BRSK2: variants seen among roughly 807,000 people sequenced by gnomAD.
BRSK2 encodes the protein serine/threonine-protein kinase BRSK2.
A neutral mutation model predicts 83.3 loss-of-function variants in BRSK2; 19 were observed. The ratio of observed to expected loss-of-function variants is 0.23; its 90% CI spans 0.16 to 0.33. BRSK2 has a LOEUF of 0.33. Among genes scored for constraint, BRSK2 ranks in the 10% least tolerant of loss-of-function variants. BRSK2 has a pLI of 1.00. For synonymous variants in BRSK2, 519 were observed against 435.4 expected, an observed-to-expected ratio of 1.19 and a Z score of -2.39; for missense variants, 798 against 1,042.3, an observed-to-expected ratio of 0.77 and a Z score of 3.23.
At chr11:1,439,419 C>CG (rs1850838386) in intron 3 of BRSK2, among the ~76,000 whole-genome samples, 2 of 151,128 alleles carry the variant, frequency 1.3e-5, no homozygotes. Flanking sequence ...ACTGGGGGGG[C>CG]GGGGGTGGTC....
At chr11:1,416,922 AGGTCAAGGAGGGC>A (rs1205320322) in intron 1 of BRSK2, among the ~76,000 whole-genome samples, 1 of 152,090 alleles carries the variant, frequency 6.6e-6, no homozygotes, top group Non-Finnish European at 1.5e-5. Flanking sequence ...ACACTTTGGG[AGGTCAAGGAGGGC>A]GGATCACGAG....
At chr11:1,413,599 A>G (rs1429992473) in intron 1 of BRSK2, among the ~76,000 whole-genome samples, 1 of 152,246 alleles carries the variant, frequency 6.6e-6, no homozygotes. Context: ...GGAAGTGGTC[A>G]TGGGCGTCTG....
intron 12 of BRSK2, chr11:1,447,939 T>A (rs1338962197): frequency 7.2e-6 from 10 of 1,392,874 alleles, no homozygotes; most frequent in Non-Finnish European, 8.9e-6. Flanking sequence ...GGCAGGCACA[T>A]GGGCGGGTCT....
intron 5 of BRSK2, 101 bp from the exon 6 acceptor site, chr11:1,443,005 C>A: frequency 7.4e-7 from 1 of 1,346,544 alleles, no homozygotes; most frequent in Non-Finnish European, 9.9e-7. Context: ...GGCACCACAG[C>A]CCTGGAGGCC....
chr11:1,424,005 T>C (rs1109746), intron 1 of BRSK2, among the ~76,000 whole-genome samples: 86,804 of 152,004 alleles, frequency 0.57, 25,237 homozygotes, highest in African/African-American at 0.66. Context: ...ACCCCAAATC[T>C]GGGGCTATGT....
intron 1 of BRSK2, among the ~76,000 whole-genome samples, chr11:1,395,447 C>T (rs1378958764): frequency 6.6e-6 from 1 of 152,210 alleles, no homozygotes; most frequent in Non-Finnish European, 1.5e-5. Context: ...CCTGCATGCC[C>T]TCCACAGGGA....
intron 1 of BRSK2, chr11:1,411,114 C>A (rs1006052885): frequency 8.4e-7 from 1 of 1,196,424 alleles, no homozygotes. Context: ...GGTTTGGAGA[C>A]CAGCTGGGGA....
Position 1,443,514 on chromosome 11 carries a change from A to T in BRSK2, c.659A>T (p.Asn220Ile). ...GGGGCTCTGCCCTTCGACGATGACA[A>T]CTTGCGACAGCTGCTGGAGAAGGTG... ...LVGALPFDDDNLRQLLEKVKR... is the reference protein window; with the variant it reads ...LVGALPFDDDILRQLLEKVKR... The change falls in exon 8 of 20, where the codon AAC becomes ATC. Residue 220 changes from asparagine (N) to isoleucine (I), a missense_variant. Asn to Ile is a moderately radical substitution (Grantham distance 149, BLOSUM62 -3). Around this residue, in one of 6 missense-constraint regions of BRSK2, gnomAD observed 145 missense variants for 225.4 expected, o/e 0.64. Coordinates refer to ENST00000528841, the MANE Select transcript of BRSK2 (RefSeq NM_001256627.2). The T allele has an allele frequency of 6.2e-7, 1 of 1,605,752 alleles. No homozygotes were observed. Among genetic ancestry groups the T allele is most frequent in the Non-Finnish European group, 8.5e-7 (1 of 1,176,434 alleles).
At chr11:1,396,185 T>TCCC in intron 1 of BRSK2, among the ~76,000 whole-genome samples, 1 of 79,198 alleles carries the variant, frequency 1.3e-5, no homozygotes, top group East Asian at 3.7e-4. Flanking sequence ...GCTCCTCGTC[T>TCCC]CTCTTCCCTT....
rs923141329 is a variant in BRSK2 at position 1,411,345 on chromosome 11, GTTC to G, written c.91+20972_91+20974del. ...AGCTGGGGCCGGAGCAGGGGGCACA[GTTC>G]TGCCCCATCTGGCCCTAGTTTGGGG... On this transcript the variant is annotated intron_variant, in intron 1 of 19. Coordinates refer to ENST00000528841, the MANE Select transcript of BRSK2 (RefSeq NM_001256627.2). 4.9e-6 allele frequency: 7 copies of G among 1,438,892 alleles called. No homozygotes were observed. In the African/African-American group the frequency reaches 1.0e-4, roughly 21 times the overall value. 89.1% of individuals were successfully genotyped at this position (1,438,892 alleles called of 1,614,324 possible).
chr11:1,433,910 C>T (rs541479343), intron 1 of BRSK2, among the ~76,000 whole-genome samples: 5 of 152,372 alleles, frequency 3.3e-5, no homozygotes, highest in South Asian at 2.1e-4. Context: ...CCCGCTTCTT[C>T]GGCAAGGTCC....
intron 1 of BRSK2, among the ~76,000 whole-genome samples, chr11:1,398,352 G>T (rs1201785786): frequency 6.6e-6 from 1 of 152,168 alleles, no homozygotes; most frequent in East Asian, 1.9e-4. Context: ...CTGCTTCCCT[G>T]GGCGGGGGTG....
At chr11:1,419,581 T>C (rs1430402371) in intron 1 of BRSK2, among the ~76,000 whole-genome samples, 1 of 152,190 alleles carries the variant, frequency 6.6e-6, no homozygotes, top group Non-Finnish European at 1.5e-5. Context: ...ACTCACTAAA[T>C]CCTAGCACAC....
At chr11:1,453,424 T>G (rs1404343688) in intron 15 of BRSK2, among the ~76,000 whole-genome samples, 1 of 152,244 alleles carries the variant, frequency 6.6e-6, no homozygotes, top group East Asian at 1.9e-4. Flanking sequence ...TCACCTGTGC[T>G]TCCAGAACTG....
chr11:1,415,163 C>T (rs146321474), intron 1 of BRSK2, among the ~76,000 whole-genome samples: 3 of 147,268 alleles, frequency 2.0e-5, no homozygotes, highest in Non-Finnish European at 4.4e-5. Context: ...GGCGTGATCT[C>T]GGCTCACTGC....
At chr11:1,408,377 A>C (rs1847061983) in intron 1 of BRSK2, among the ~76,000 whole-genome samples, 1 of 152,150 alleles carries the variant, frequency 6.6e-6, no homozygotes, top group Non-Finnish European at 1.5e-5. Context: ...TCCACCTTAG[A>C]AGTCCAGCGT....
chr11:1,443,757 C>A, intron 8 of BRSK2, 122 bp downstream of exon 8: 1 of 1,285,766 alleles, frequency 7.8e-7, no homozygotes, highest in Non-Finnish European at 1.0e-6. Flanking sequence ...TGGGTCGGTG[C>A]CCAGGTGTGT....
chr11:1,392,832 T>C (rs1845810878), intron 1 of BRSK2, among the ~76,000 whole-genome samples: 1 of 152,140 alleles, frequency 6.6e-6, no homozygotes, highest in South Asian at 2.1e-4. Context: ...GCAGGGCCAG[T>C]GTGGCTGTAG....
chr11:1,429,295 C>T (rs12421874), intron 1 of BRSK2, among the ~76,000 whole-genome samples: 4 of 95,308 alleles, frequency 4.2e-5, no homozygotes, highest in East Asian at 4.9e-4. Context: ...GTGCACTGGG[C>T]GTGTGTCCTG....
Sources: gnomAD v4.1 joint callset for allele counts (sites outside exome capture counted in the v4.1 genomes callset) on GRCh38, gnomAD v4.1.1 for gene constraint, gnomAD v4.1.1 regional missense constraint, MANE v1.5 for transcripts, NCBI Gene and HGNC (gene_info 2026-07-23, HGNC 2026-07-21) for gene names.